The following KIF13B variants were observed in gnomAD, a reference collection of about 807,000 sequenced individuals.
KIF13B encodes kinesin-like protein KIF13B.
KIF13B carries 127 observed loss-of-function variants against 222.0 expected under a neutral mutation model. The ratio of observed to expected loss-of-function variants is 0.57; its 90% CI spans 0.50 to 0.66. The LOEUF (loss-of-function observed/expected upper bound fraction) is 0.66. KIF13B is among the 30% of genes least tolerant of loss of function. KIF13B has a pLI of 0.00. For missense variants in KIF13B, 2,173 were observed against 2,379.0 expected, an observed-to-expected ratio of 0.91 and a Z score of 1.80; for synonymous variants, 976 against 919.0, an observed-to-expected ratio of 1.06 and a Z score of -1.12.
At chr8:29,258,825 C>T (rs1816580194) in intron 1 of KIF13B, among the ~76,000 whole-genome samples, 1 of 152,200 alleles carries the variant, frequency 6.6e-6, no homozygotes, top group African/African-American at 2.4e-5. Context: ...CAGCCTGCTA[C>T]AGCTGTTTAC....
chr8:29,191,225 T>A (rs989079090), intron 3 of KIF13B, among the ~76,000 whole-genome samples, 168 bp from the exon 4 acceptor site: 4 of 152,214 alleles, frequency 2.6e-5, no homozygotes, highest in Non-Finnish European at 5.9e-5. Flanking sequence ...CTATAGGTGA[T>A]ATGACTCTAT....
chr8:29,257,623 A>G (rs1447530690), intron 1 of KIF13B, among the ~76,000 whole-genome samples: 1 of 152,210 alleles, frequency 6.6e-6, no homozygotes, highest in Admixed American at 6.5e-5. Context: ...CCAGAGCAAC[A>G]AAGTGAGACC....
chr8:29,095,672 CAG>C (rs757163491), intron 36 of KIF13B, among the ~76,000 whole-genome samples: 1 of 152,122 alleles, frequency 6.6e-6, no homozygotes, highest in Non-Finnish European at 1.5e-5. Context: ...GAGGCTGAGG[CAG>C]GAGAATCACT....
Position 29,126,988 on chromosome 8 carries a change from A to G in KIF13B, c.3222+134T>C, listed in dbSNP as rs932978990. 3 of 867,102 alleles carry G rather than the reference A, an allele frequency of 3.5e-6. No individual in the cohort carries two copies. The African/African-American group carries it at 5.1e-5, about 15-fold the overall frequency. The allele number at this position is 867,102 out of a possible 1,614,324, so 53.7% of individuals were successfully genotyped here. ...TGATTCCATGAAAATGCAAGACACA[A>G]AAAAAGACAGCAAAGGTAAACAAAG... On this transcript the variant is annotated intron_variant, in intron 25 of 39. Transcript: ENST00000524189.
intron 37 of KIF13B, among the ~76,000 whole-genome samples, chr8:29,083,105 G>A: frequency 6.6e-6 from 1 of 152,086 alleles, no homozygotes; most frequent in East Asian, 1.9e-4. Context: ...CTCCAGCCTG[G>A]GCAACAGAGC....
intron 24 of KIF13B, among the ~76,000 whole-genome samples, chr8:29,129,378 C>T (rs540086194): frequency 2.0e-5 from 3 of 152,278 alleles, no homozygotes; most frequent in South Asian, 2.1e-4. Flanking sequence ...TTTATGTGTA[C>T]AACACATGCT....
intron 37 of KIF13B, among the ~76,000 whole-genome samples, chr8:29,082,896 A>G (rs947623055): frequency 1.3e-5 from 2 of 152,198 alleles, no homozygotes; most frequent in Non-Finnish European, 2.9e-5. Context: ...AGGCTGAGGC[A>G]GGAGGATTGC....
At chr8:29,187,794 C>T (rs74362138) in intron 5 of KIF13B, among the ~76,000 whole-genome samples, 1 of 152,202 alleles carries the variant, frequency 6.6e-6, no homozygotes, top group Non-Finnish European at 1.5e-5. Flanking sequence ...TTCCTAAGTA[C>T]CAGGACTTCT....
At chr8:29,217,853 GC>G (rs1563798374) in intron 2 of KIF13B, among the ~76,000 whole-genome samples, 1 of 152,062 alleles carries the variant, frequency 6.6e-6, no homozygotes, top group Non-Finnish European at 1.5e-5. Flanking sequence ...AGTGTGGGGG[GC>G]TATCAGGACA....
At chr8:29,258,149 C>T (rs547238650) in intron 1 of KIF13B, among the ~76,000 whole-genome samples, 127 of 152,324 alleles carry the variant, frequency 8.3e-4, no homozygotes, top group African/African-American at 3.0e-3. Context: ...CCCCAGGGGT[C>T]AAAGCCACCT....
At chr8:29,211,209 T>C (rs1430025532) in intron 2 of KIF13B, among the ~76,000 whole-genome samples, 1 of 152,224 alleles carries the variant, frequency 6.6e-6, no homozygotes, top group Admixed American at 6.5e-5. Flanking sequence ...TTTCCATGCA[T>C]TGTTTGCCAT....
intron 1 of KIF13B, among the ~76,000 whole-genome samples, chr8:29,251,733 T>C (rs1042001419): frequency 6.6e-6 from 1 of 152,240 alleles, no homozygotes; most frequent in Non-Finnish European, 1.5e-5. Context: ...TCAATGCTAC[T>C]GAACTGTGCA....
At chr8:29,119,139 CA>C in intron 29 of KIF13B, 147 bp from the exon 30 acceptor site, 1 of 798,644 alleles carries the variant, frequency 1.3e-6, no homozygotes. Context: ...TGAAGATGAC[CA>C]CTTAAAAGTT....
chr8:29,138,956 T>C (rs1293781584), intron 21 of KIF13B, among the ~76,000 whole-genome samples: 1 of 152,168 alleles, frequency 6.6e-6, no homozygotes, highest in Admixed American at 6.5e-5. Flanking sequence ...ATGGTTATAT[T>C]GGTTTAAGGA....
intron 2 of KIF13B, among the ~76,000 whole-genome samples, chr8:29,220,518 C>G (rs1166319163): frequency 6.6e-6 from 1 of 151,356 alleles, no homozygotes; most frequent in Non-Finnish European, 1.5e-5. Context: ...TGTTGACATT[C>G]TGAATGTTTC....
chr8:29,087,823 C>T (rs1193901454), intron 37 of KIF13B, among the ~76,000 whole-genome samples: 1 of 151,874 alleles, frequency 6.6e-6, no homozygotes, highest in Non-Finnish European at 1.5e-5. Context: ...TGGGGGAGGT[C>T]TGAGAGAACA....
At position 29,075,339 on chromosome 8, in the gene KIF13B, A is replaced by G; in HGVS notation, c.4463T>C (p.Val1488Ala). 2 of 1,558,342 alleles carry G rather than the reference A, an allele frequency of 1.3e-6. No individual in the cohort carries two copies. Among genetic ancestry groups the G allele is most frequent in the Non-Finnish European group, 1.7e-6 (2 of 1,150,618 alleles). The change falls in exon 38 of 40, where the codon GTG (valine) becomes GCG (alanine). Residue 1488 changes from valine (V) to alanine (A), a missense_variant. Val to Ala is a moderately conservative substitution (Grantham distance 64, BLOSUM62 0). This residue lies in a region of KIF13B where 693 missense variants were observed against 656.2 expected (regional missense o/e 1.06). Transcript: ENST00000524189. Reference sequence around the variant, plus strand: ...GGCTGACTGCACCATGATGCGGGGCACGGGCTGAGGAGGCAAGTGTGCAGG... The same window carrying G: ...GGCTGACTGCACCATGATGCGGGGCGCGGGCTGAGGAGGCAAGTGTGCAGG... ...KRPSPLAHQP[V>A]PRIMVQSASP...
At chr8:29,074,036 C>T (rs1014975599) in intron 38 of KIF13B, among the ~76,000 whole-genome samples, 3 of 149,364 alleles carry the variant, frequency 2.0e-5, no homozygotes, top group African/African-American at 7.7e-5. Context: ...GGGGAGAATA[C>T]GCAAAACTAT....
At chr8:29,207,432 G>A (rs1353141843) in intron 2 of KIF13B, among the ~76,000 whole-genome samples, 1 of 152,112 alleles carries the variant, frequency 6.6e-6, no homozygotes, top group African/African-American at 2.4e-5. Flanking sequence ...CGAGCTCCCT[G>A]AGGACACAGA....
Sources: gnomAD v4.1 joint callset for allele counts (sites outside exome capture counted in the v4.1 genomes callset) on GRCh38, gnomAD v4.1.1 for gene constraint, gnomAD v4.1.1 regional missense constraint, MANE v1.5 for transcripts, NCBI Gene and HGNC (gene_info 2026-07-23, HGNC 2026-07-21) for gene names.